The following CHN1 variants were observed in gnomAD, a reference collection of about 807,000 sequenced individuals.
The protein encoded by CHN1 is chimerin 1, also known as N-chimaerin.
CHN1 carries 37 observed loss-of-function variants against 59.5 expected under a neutral mutation model. The ratio of observed to expected loss-of-function variants is 0.62; its 90% CI spans 0.48 to 0.82. The LOEUF is 0.82. CHN1 is among the 40% of genes least tolerant of loss of function. The pLI is 0.00. For missense variants in CHN1, 469 were observed against 571.0 expected, an observed-to-expected ratio of 0.82 and a Z score of 1.82; for synonymous variants, 206 against 200.4, an observed-to-expected ratio of 1.03 and a Z score of -0.24.
intron 1 of CHN1, among the ~76,000 whole-genome samples, chr2:174,997,132 T>C (rs1009974410): frequency 6.6e-6 from 1 of 152,200 alleles, no homozygotes; most frequent in Admixed American, 6.5e-5. Context: ...TCACTAAATA[T>C]TCATCAGATA....
At chr2:174,934,643 G>A (rs375886846) in intron 3 of CHN1, among the ~76,000 whole-genome samples, 3 of 152,190 alleles carry the variant, frequency 2.0e-5, no homozygotes, top group Non-Finnish European at 2.9e-5. Context: ...CAGAAATTCC[G>A]AAATATTTCA....
intron 1 of CHN1, among the ~76,000 whole-genome samples, chr2:174,955,151 T>G (rs1558996483): frequency 4.8e-5 from 6 of 125,312 alleles, no homozygotes; most frequent in African/African-American, 1.4e-4. Flanking sequence ...TATCTCTATA[T>G]ATCTATGTCT....
intron 1 of CHN1, among the ~76,000 whole-genome samples, chr2:174,995,832 G>A (rs1043823145): frequency 2.6e-5 from 4 of 152,158 alleles, no homozygotes; most frequent in Non-Finnish European, 4.4e-5. Flanking sequence ...TAAAGTGCTT[G>A]TAAGTCACTT....
At chr2:174,819,009 T>C (rs1685381489) in intron 8 of CHN1, among the ~76,000 whole-genome samples, 1 of 152,074 alleles carries the variant, frequency 6.6e-6, no homozygotes, top group Admixed American at 6.5e-5. Flanking sequence ...TTTTGAAACA[T>C]ATCTCGTTTT....
At chr2:174,883,498 C>T (rs1687796755) in intron 5 of CHN1, among the ~76,000 whole-genome samples, 1 of 152,232 alleles carries the variant, frequency 6.6e-6, no homozygotes, top group Non-Finnish European at 1.5e-5. Flanking sequence ...CAAAAAAAGA[C>T]TTAAGAGTAG....
At chr2:174,916,814 T>TA (rs1688860832) in intron 4 of CHN1, among the ~76,000 whole-genome samples, 1 of 152,268 alleles carries the variant, frequency 6.6e-6, no homozygotes, top group South Asian at 2.1e-4. Context: ...TATCCCTTGC[T>TA]ATTTAGCACG....
chr2:174,810,441 C>T (rs899227211), intron 10 of CHN1, among the ~76,000 whole-genome samples: 1 of 152,134 alleles, frequency 6.6e-6, no homozygotes. Flanking sequence ...GAAACTGTGT[C>T]ATTTCTTTGC....
chr2:174,967,883 T>C (rs1690643164), intron 1 of CHN1, among the ~76,000 whole-genome samples: 1 of 152,256 alleles, frequency 6.6e-6, no homozygotes, highest in Non-Finnish European at 1.5e-5. Context: ...TTTGTAGCAC[T>C]GACCTACTTG....
chr2:174,901,333 CTT>C (rs1164670287), intron 5 of CHN1, among the ~76,000 whole-genome samples: 1 of 152,200 alleles, frequency 6.6e-6, no homozygotes, highest in Non-Finnish European at 1.5e-5. Flanking sequence ...GGTTCTTTCT[CTT>C]TGCCCTCTCA....
chr2:174,937,321 T>C (rs1438577277), intron 3 of CHN1, among the ~76,000 whole-genome samples: 1 of 152,148 alleles, frequency 6.6e-6, no homozygotes, highest in African/African-American at 2.4e-5. Flanking sequence ...GTTACTGAAT[T>C]TGTAAGCTGT....
chr2:174,908,505 A>G (rs1574152274), intron 5 of CHN1, among the ~76,000 whole-genome samples: 1 of 152,180 alleles, frequency 6.6e-6, no homozygotes, highest in Non-Finnish European at 1.5e-5. Context: ...TGGCACACTA[A>G]GTGCTAAAAT....
At chr2:174,888,461 T>C (rs1394024087) in intron 5 of CHN1, among the ~76,000 whole-genome samples, 1 of 152,192 alleles carries the variant, frequency 6.6e-6, no homozygotes, top group African/African-American at 2.4e-5. Flanking sequence ...TGTTCTACTA[T>C]ACTCAAGGAA....
intron 1 of CHN1, among the ~76,000 whole-genome samples, chr2:174,952,909 C>CGGACGT (rs1690068350): frequency 6.6e-6 from 1 of 152,130 alleles, no homozygotes; most frequent in African/African-American, 2.4e-5. Flanking sequence ...AAACACATGA[C>CGGACGT]GGACGTGGAG....
intron 1 of CHN1, among the ~76,000 whole-genome samples, chr2:175,000,340 C>T (rs895099177): frequency 2.6e-5 from 4 of 151,824 alleles, no homozygotes; most frequent in Middle Eastern, 6.8e-3. Flanking sequence ...CATGGTTTTG[C>T]TATGTTAACC....
intron 6 of CHN1, among the ~76,000 whole-genome samples, chr2:174,857,645 C>T (rs867357894): frequency 1.3e-5 from 2 of 152,108 alleles, no homozygotes; most frequent in African/African-American, 4.8e-5. Context: ...TAATCAAAAG[C>T]TGAAACTGGG....
chr2:174,850,343 T>C (rs185476788), intron 6 of CHN1, among the ~76,000 whole-genome samples: 2 of 152,198 alleles, frequency 1.3e-5, no homozygotes, highest in African/African-American at 4.8e-5. Context: ...TAAAACCAAA[T>C]GAAGGCAGCT....
chr2:174,930,822 T>G (rs566247821), intron 3 of CHN1, among the ~76,000 whole-genome samples: 1 of 151,958 alleles, frequency 6.6e-6, no homozygotes, highest in Admixed American at 6.6e-5. Flanking sequence ...TGGAGTGCAG[T>G]GGCGCGATCT....
intron 5 of CHN1, among the ~76,000 whole-genome samples, chr2:174,902,332 T>C (rs775993209): frequency 2.6e-4 from 39 of 152,154 alleles, no homozygotes; most frequent in Non-Finnish European, 5.3e-4. Context: ...GTTTGTTTTA[T>C]TAAAGAACAC....
chr2:175,005,356 C>A lies in CHN1; in HGVS notation c.-444G>T. On this transcript the variant is annotated 5_prime_UTR_variant, in exon 1 of 13. Coordinates refer to ENST00000409900, the MANE Select transcript of CHN1 (RefSeq NM_001822.7). ...ACTCCGCATCCCGCGGCCTCGCAGA[C>A]GCCATCTTGCGATAGCGTCTCCCAC... 8.9e-7 allele frequency: 1 copy of A among 1,123,936 alleles called. No homozygotes were observed. The highest frequency in any genetic ancestry group is 1.1e-6 in the Non-Finnish European group (1 of 906,170). The allele number at this position is 1,123,936 out of a possible 1,614,324, so 69.6% of individuals were successfully genotyped here.
Sources: gnomAD v4.1 joint callset for allele counts (sites outside exome capture counted in the v4.1 genomes callset) on GRCh38, gnomAD v4.1.1 for gene constraint, MANE v1.5 for transcripts, NCBI Gene and HGNC (gene_info 2026-07-23, HGNC 2026-07-21) for gene names.